MTX3: variants seen among roughly 807,000 people sequenced by gnomAD.
The protein encoded by MTX3 is metaxin-3.
In MTX3, 27 loss-of-function variants were observed where a neutral mutation model predicts 42.5. That is an observed-to-expected ratio of 0.64 (90% CI 0.47 to 0.88). The LOEUF (loss-of-function observed/expected upper bound fraction) is 0.88. MTX3 is among the 40% of genes least tolerant of loss of function. The probability of loss-of-function intolerance (pLI) is 0.00; values close to 1 mark genes in which losing one functional copy is unlikely to be tolerated. For synonymous variants in MTX3, 144 were observed against 132.9 expected (o/e 1.08, Z -0.57); for missense variants, 378 against 367.0 (o/e 1.03, Z -0.25).
intron 8 of MTX3, among the ~76,000 whole-genome samples, chr5:79,984,843 A>G (rs1252587643): frequency 6.6e-6 from 1 of 152,196 alleles, no homozygotes; most frequent in Non-Finnish European, 1.5e-5. Context: ...CAAGAAGGAG[A>G]AAAAAATAAA....
chr5:79,990,543 A>T (rs561070670), intron 2 of MTX3, 51 bp downstream of exon 2: 1 of 1,200,222 alleles, frequency 8.3e-7, no homozygotes, highest in African/African-American at 1.5e-5. Flanking sequence ...CTTTAAATGG[A>T]AGAAGAAAAA....
chr5:79,979,821 G>A lies in MTX3; in HGVS notation c.*3863C>T, dbSNP rs1015392312. 6.6e-6 allele frequency: 1 copy of A among 151,332 alleles called. No homozygotes were observed. Among genetic ancestry groups the A allele is most frequent in the African/African-American group, 2.4e-5 (1 of 41,216 alleles). The allele number at this position is 151,332 out of a possible 1,614,324, so 9.4% of individuals were successfully genotyped here. A position where few individuals can be genotyped will look rare whatever the true frequency, so the allele number is the denominator to read the frequency against. The stretch of plus-strand genomic sequence containing the variant: ...TTTAGATATCATTTGTTACAAACAT[G>A]AGTTTTTCTTAAGAATGAAATAAAA... On this transcript the variant is annotated 3_prime_UTR_variant, in exon 9 of 9. Coordinates refer to ENST00000512528, the MANE Select transcript of MTX3 (RefSeq NM_001363818.2).
In MTX3 at chr5:79,976,728, C is replaced by T. The variant is rs906037298; in HGVS notation, c.*6956G>A. 6.6e-6 allele frequency: 1 copy of T among 152,566 alleles called. No individual in the cohort carries two copies. The highest frequency in any genetic ancestry group is 1.5e-5 in the Non-Finnish European group (1 of 68,032). The allele number at this position is 152,566 out of a possible 1,614,324, so 9.5% of individuals were successfully genotyped here. A position where few individuals can be genotyped will look rare whatever the true frequency, so the allele number is the denominator to read the frequency against. On this transcript the variant is annotated 3_prime_UTR_variant, in exon 9 of 9. Coordinates refer to ENST00000512528, the MANE Select transcript of MTX3 (RefSeq NM_001363818.2). ...ATTAAATCGAGAATTCATAAGCAGT[C>T]AGGAGATTTGAGATTTTTATTGAGA...
chr5:79,987,318 T>C (rs1831517855), intron 6 of MTX3, among the ~76,000 whole-genome samples: 1 of 151,212 alleles, frequency 6.6e-6, no homozygotes, highest in South Asian at 2.1e-4. Context: ...TGGGCACCTG[T>C]AAACCCAGCT....
rs973895568 is a variant in MTX3, at chr5:79,981,756, T to A, written c.*1928A>T. 6.6e-5 allele frequency: 10 copies of A among 151,980 alleles called. No individual in the cohort carries two copies. The highest frequency in any genetic ancestry group is 4.6e-4 in the Admixed American group (7 of 15,302). The allele number at this position is 151,980 out of a possible 1,614,324, so 9.4% of individuals were successfully genotyped here. A position where few individuals can be genotyped will look rare whatever the true frequency, so the allele number is the denominator to read the frequency against. ...ATGGTTCTATAAATTTTTAATTTTT[T>A]TAATTTAAATTTTTAAAATTTTTAA... On this transcript the variant is annotated 3_prime_UTR_variant, in exon 9 of 9. Transcript: ENST00000512528.
At position 79,990,726 on chromosome 5, in the gene MTX3, C is replaced by A. The variant is rs976195949; in HGVS notation, c.82-63G>T. On this transcript the variant is annotated intron_variant, in intron 1 of 8. Coordinates refer to ENST00000512528, the MANE Select transcript of MTX3 (RefSeq NM_001363818.2). ...TGCGTAATGCAAAGCTGCAGAGCAGCTTTACTTCACAGCCCCATCCCCCAA... is the reference window on the plus strand; with the variant it reads ...TGCGTAATGCAAAGCTGCAGAGCAGATTTACTTCACAGCCCCATCCCCCAA... 4 of 1,180,506 alleles carry A rather than the reference C, an allele frequency of 3.4e-6. No homozygotes were observed. The Admixed American group carries it at 5.5e-5, about 16-fold the overall frequency. The allele number at this position is 1,180,506 out of a possible 1,614,324, so 73.1% of individuals were successfully genotyped here.
chr5:79,991,071 C>A lies in MTX3; in HGVS notation c.81+87G>T, dbSNP rs553421995. The A allele has an allele frequency of 6.9e-4, 917 of 1,337,934 alleles. 9 individuals carry two copies. The South Asian group carries it at 0.011, about 16-fold the overall frequency. The allele number at this position is 1,337,934 out of a possible 1,614,324, so 82.9% of individuals were successfully genotyped here. On this transcript the variant is annotated intron_variant, in intron 1 of 8. Coordinates refer to ENST00000512528, the MANE Select transcript of MTX3 (RefSeq NM_001363818.2). ...AGCGGCTCGGCCCTCCTGGACCCCG[C>A]AGCGCAGCGGGAAACTGGGGCAAGT...
At chr5:79,985,009 T>C (rs907770057) in intron 8 of MTX3, among the ~76,000 whole-genome samples, 1 of 151,640 alleles carries the variant, frequency 6.6e-6, no homozygotes, top group Non-Finnish European at 1.5e-5. Context: ...TCTGATGGAG[T>C]CTCGCTCCGT....
chr5:79,987,395 A>G (rs1342184652), intron 6 of MTX3, among the ~76,000 whole-genome samples: 1 of 148,454 alleles, frequency 6.7e-6, no homozygotes, highest in African/African-American at 2.5e-5. Flanking sequence ...AGCCAAGATC[A>G]TGCCACTGCA....
intron 4 of MTX3, 23 bp from the exon 5 acceptor site, chr5:79,988,667 C>T (rs772870232): frequency 2.6e-6 from 4 of 1,524,288 alleles, no homozygotes; most frequent in Non-Finnish European, 3.5e-6. Flanking sequence ...AGAAAAAACA[C>T]TACAAGGATG....
rs553951042 is a variant in MTX3 at position 79,977,426 on chromosome 5, A to G, written c.*6258T>C. ...AAGACATTTCTCTGAATTTGCAAGA[A>G]GACGACTGAAGAATCAGAACAAAGA... On this transcript the variant is annotated 3_prime_UTR_variant, in exon 9 of 9. Transcript: ENST00000512528. The G allele has an allele frequency of 3.0e-4, 45 of 152,362 alleles. No individual in the cohort carries two copies. Among genetic ancestry groups the G allele is most frequent in the African/African-American group, 1.1e-3 (44 of 41,574 alleles). The allele number at this position is 152,362 out of a possible 1,614,324, so 9.4% of individuals were successfully genotyped here. A position where few individuals can be genotyped will look rare whatever the true frequency, so the allele number is the denominator to read the frequency against.
At position 79,983,439 on chromosome 5, in the gene MTX3, T is replaced by C. The variant is rs566607553; in HGVS notation, c.*245A>G. On this transcript the variant is annotated 3_prime_UTR_variant, in exon 9 of 9. Coordinates refer to ENST00000512528, the MANE Select transcript of MTX3 (RefSeq NM_001363818.2). ...AGGCAGTTCTTTGTATACAGTACGA[T>C]GTGTTTTTCTTCCCCGCCCCCCCAA... is the stretch of plus-strand genomic sequence containing the variant. 3 of 516,784 alleles carry C rather than the reference T, an allele frequency of 5.8e-6. No individual in the cohort carries two copies. The highest frequency in any genetic ancestry group is 6.6e-5 in the Admixed American group (2 of 30,176). The allele number at this position is 516,784 out of a possible 1,614,324, so 32.0% of individuals were successfully genotyped here. A position where few individuals can be genotyped will look rare whatever the true frequency, so the allele number is the denominator to read the frequency against.
At position 79,989,182 on chromosome 5, in the gene MTX3, A is replaced by G; in HGVS notation, c.291T>C (p.Ala97=). The G allele has an allele frequency of 6.2e-7, 1 of 1,608,848 alleles. No individual in the cohort carries two copies. Among genetic ancestry groups the G allele is most frequent in the Non-Finnish European group, 8.5e-7 (1 of 1,177,436 alleles). The part of the protein sequence containing the change: ...KQGADTLAYI[A]LLEEKLLPAV... ...CAGGGAGAAGCTTCTCTTCGAGGAG[A>G]GCAATATAAGCCAATGTATCTGCCC... The change falls in exon 4 of 9, where the codon GCT becomes GCC. Residue 97 remains alanine (A), a synonymous_variant. Coordinates refer to ENST00000512528, the MANE Select transcript of MTX3 (RefSeq NM_001363818.2).
Position 79,986,984 on chromosome 5 carries a change from G to A in MTX3, c.705C>T (p.Asp235=), listed in dbSNP as rs766298223. 3.1e-6 allele frequency: 5 copies of A among 1,613,962 alleles called. No individual in the cohort carries two copies. In the East Asian group the frequency reaches 8.9e-5, roughly 29 times the overall value. Residue 235 remains aspartate, a synonymous_variant, in exon 7 of 9, where the codon GAC becomes GAT. Transcript: ENST00000512528. ...TAAGCCTAAAATAACTGCTCAGGAT[G>A]TCATCACAAAAGCGACAGAGGTTGG... ...QLSNLCRFCD[D]ILSSYFRLSL...
In MTX3 at chr5:79,985,608, G is replaced by A. The variant is rs1831471625; in HGVS notation, c.791C>T (p.Thr264Ile). ...ETVDANLQKL[T>I]QLVNKESNLI... is the part of the protein sequence containing the mutation. ...GTTGGATTCCTTATTTACAAGTTGTGTGAGTTTCTGCAGATTTGCATCTAC... is the reference window on the plus strand; with the variant it reads ...GTTGGATTCCTTATTTACAAGTTGTATGAGTTTCTGCAGATTTGCATCTAC... Residue 264 changes from threonine (T) to isoleucine (I), a missense_variant, in exon 8 of 9, where the codon ACA becomes ATA. By Grantham distance (89) the Thr-to-Ile change is moderately conservative. Coordinates refer to ENST00000512528, the MANE Select transcript of MTX3 (RefSeq NM_001363818.2). 2 of 1,613,060 alleles carry A rather than the reference G, an allele frequency of 1.2e-6. No homozygotes were observed. Among genetic ancestry groups the A allele is most frequent in the Admixed American group, 3.3e-5 (2 of 59,978 alleles).
intron 6 of MTX3, among the ~76,000 whole-genome samples, 188 bp downstream of exon 6, chr5:79,988,051 G>A (rs1318698365): frequency 2.0e-5 from 3 of 152,058 alleles, no homozygotes; most frequent in East Asian, 1.9e-4. Flanking sequence ...TTCTGGCCTC[G>A]GGTGATCTGC....
At chr5:79,985,796 A>C in intron 7 of MTX3, 137 bp from the exon 8 acceptor site, 1 of 604,586 alleles carries the variant, frequency 1.7e-6, no homozygotes, top group Non-Finnish European at 2.9e-6. Context: ...GAGGAAAACC[A>C]TTCTGGGTTT....
chr5:79,985,941 A>G (rs201096441), intron 7 of MTX3, among the ~76,000 whole-genome samples: 1 of 25,318 alleles, frequency 3.9e-5, no homozygotes, highest in African/African-American at 1.3e-4. Context: ...TTTTTTTTTG[A>G]AAAAAAAAGC....
chr5:79,984,461 A>C (rs1283775719), intron 8 of MTX3, among the ~76,000 whole-genome samples: 1 of 152,236 alleles, frequency 6.6e-6, no homozygotes, highest in East Asian at 1.9e-4. Context: ...AATTCTTTAA[A>C]TGTAATCCAG....
Sources: gnomAD v4.1 joint callset for allele counts (sites outside exome capture counted in the v4.1 genomes callset) on GRCh38, gnomAD v4.1.1 for gene constraint, MANE v1.5 for transcripts, NCBI Gene and HGNC (gene_info 2026-07-23, HGNC 2026-07-21) for gene names.